TM9SF3: variants seen among roughly 807,000 people sequenced by gnomAD.
TM9SF3 encodes transmembrane 9 superfamily member 3, also known as SM-11044-binding protein.
Under a neutral mutation model 78.6 loss-of-function variants are expected in TM9SF3, and 14 were observed. The ratio of observed to expected loss-of-function variants is 0.18; its 90% CI spans 0.12 to 0.28. The LOEUF is 0.28. Ranked by LOEUF, TM9SF3 falls within the 10% of genes least tolerant of loss-of-function variation. TM9SF3 has a pLI of 1.00. For synonymous variants in TM9SF3, 231 were observed against 241.7 expected (o/e 0.96, Z 0.41); for missense variants, 496 against 721.9 (o/e 0.69, Z 3.59).
In TM9SF3 at chr10:96,586,801, G is replaced by C. The variant is rs1212200668; in HGVS notation, c.35C>G (p.Ala12Gly). 2 of 1,276,208 alleles carry C rather than the reference G, an allele frequency of 1.6e-6. No individual in the cohort carries two copies. Among genetic ancestry groups the C allele is most frequent in the African/African-American group, 1.5e-5 (1 of 64,528 alleles). The allele number at this position is 1,276,208 out of a possible 1,614,324, so 79.1% of individuals were successfully genotyped here. A position where few individuals can be genotyped will look rare whatever the true frequency, so the allele number is the denominator to read the frequency against. The change falls in exon 1 of 15, where the codon GCG (alanine) becomes GGG (glycine). Residue 12 changes from alanine to glycine, a missense_variant. Ala to Gly is a moderately conservative substitution (Grantham distance 60, BLOSUM62 0). Around this residue, in one of 4 missense-constraint regions of TM9SF3, gnomAD observed 58 missense variants for 32.9 expected, o/e 1.76. Coordinates refer to ENST00000371142, the MANE Select transcript of TM9SF3 (RefSeq NM_020123.4). ...CAGCAGCAGCCACAGCGCGGCGGCCGCCGCCACGCCAAGAGCGCCAGGCAG... is the reference window on the plus strand; with the variant it reads ...CAGCAGCAGCCACAGCGCGGCGGCCCCCGCCACGCCAAGAGCGCCAGGCAG... ...RPLPGALGVA[A>G]AAALWLLLLL...
chr10:96,580,039 C>G (rs1047397983), intron 1 of TM9SF3, among the ~76,000 whole-genome samples: 1 of 152,142 alleles, frequency 6.6e-6, no homozygotes, highest in Non-Finnish European at 1.5e-5. Context: ...GGTGGAGTCA[C>G]AGAAGCACAG....
intron 9 of TM9SF3, among the ~76,000 whole-genome samples, chr10:96,540,763 ACCTTT>A (rs1203227305): frequency 1.9e-5 from 2 of 104,824 alleles, no homozygotes; most frequent in African/African-American, 7.5e-5. Context: ...GTTTTATATT[ACCTTT>A]CTTTTTTTTT....
intron 6 of TM9SF3, among the ~76,000 whole-genome samples, chr10:96,552,715 T>A (rs1033228230): frequency 3.3e-5 from 5 of 152,114 alleles, no homozygotes; most frequent in African/African-American, 1.2e-4. Context: ...CGGGTGAATG[T>A]TCTTATGTTT....
At chr10:96,560,700 G>A (rs1848296743) in intron 4 of TM9SF3, 3 of 579,566 alleles carry the variant, frequency 5.2e-6, no homozygotes, top group South Asian at 2.8e-5. Flanking sequence ...TTTTGATGAG[G>A]AAACTAAAGA....
chr10:96,571,244 G>T (rs895774874), intron 2 of TM9SF3, among the ~76,000 whole-genome samples: 1 of 152,014 alleles, frequency 6.6e-6, no homozygotes, highest in Non-Finnish European at 1.5e-5. Context: ...AAACACAAAG[G>T]GAACTGTATT....
chr10:96,566,800 C>G (rs1011753831), intron 2 of TM9SF3, among the ~76,000 whole-genome samples: 1 of 152,150 alleles, frequency 6.6e-6, no homozygotes, highest in African/African-American at 2.4e-5. Context: ...GAAAAACTGA[C>G]AGCAAGAGAT....
At chr10:96,570,779 C>T (rs2134156543) in intron 2 of TM9SF3, among the ~76,000 whole-genome samples, 1 of 152,280 alleles carries the variant, frequency 6.6e-6, no homozygotes, top group African/African-American at 2.4e-5. Context: ...GAGTTTTGCT[C>T]TTGTCACGCA....
chr10:96,582,398 T>C (rs1282272531), intron 1 of TM9SF3, among the ~76,000 whole-genome samples: 1 of 152,204 alleles, frequency 6.6e-6, no homozygotes, highest in Non-Finnish European at 1.5e-5. Context: ...TATTGAGTCT[T>C]TCTAGTTCTA....
At chr10:96,565,255 C>T in intron 3 of TM9SF3, 49 bp downstream of exon 3, 1 of 1,445,224 alleles carries the variant, frequency 6.9e-7, no homozygotes, top group Non-Finnish European at 9.1e-7. Context: ...TTTATAAATT[C>T]TGATTATGCA....
chr10:96,560,267 A>C, intron 4 of TM9SF3: 1 of 783,564 alleles, frequency 1.3e-6, no homozygotes, highest in Non-Finnish European at 2.3e-6. Flanking sequence ...GCCAACAAAG[A>C]TGATCACTTT....
In TM9SF3 at chr10:96,576,702, T is replaced by C. The variant is rs1848500659; in HGVS notation, c.230A>G (p.His77Arg). 1 of 1,610,628 alleles carries C rather than the reference T, an allele frequency of 6.2e-7. No individual in the cohort carries two copies. The change falls in exon 2 of 15, where the codon CAT becomes CGT. Residue 77 changes from histidine to arginine, a missense_variant. By Grantham distance (29) the His-to-Arg change is conservative. Coordinates refer to ENST00000371142, the MANE Select transcript of TM9SF3 (RefSeq NM_020123.4). ...VGSKKSISHY[H>R]ETLGEALQGV... is the part of the protein sequence containing the mutation. ...TTGAAGTGCTTCTCCCAGAGTTTCA[T>C]GGTAATGACTGATACTTTTTTTTGA... is the stretch of plus-strand genomic sequence containing the variant.
At chr10:96,528,648 G>A (rs78858249) in intron 11 of TM9SF3, among the ~76,000 whole-genome samples, 411 of 152,250 alleles carry the variant, frequency 2.7e-3, no homozygotes, top group African/African-American at 9.6e-3. Context: ...ACTGTCTTCA[G>A]AGGACAGCAA....
intron 14 of TM9SF3, among the ~76,000 whole-genome samples, chr10:96,525,653 A>G (rs1847830052): frequency 1.3e-5 from 2 of 152,110 alleles, no homozygotes; most frequent in African/African-American, 4.8e-5. Flanking sequence ...TAAATAGCCA[A>G]TGGCAAGTAA....
rs1302202626 is a variant in TM9SF3 at position 96,565,402 on chromosome 10, CAGT to C, written c.320_322del (p.Tyr107del). ...CTTTTCTTTATCTAAATCAATTTCA[CAGT>C]AAGTGGCTGGCATCACATCATCTGC... On this transcript the variant is annotated inframe_deletion, in exon 3 of 15. Transcript: ENST00000371142. The C allele has an allele frequency of 6.4e-7, 1 of 1,552,888 alleles. No individual in the cohort carries two copies. Among genetic ancestry groups the C allele is most frequent in the Non-Finnish European group, 8.6e-7 (1 of 1,159,556 alleles).
At chr10:96,585,721 A>T (rs1172327258) in intron 1 of TM9SF3, among the ~76,000 whole-genome samples, 3 of 152,102 alleles carry the variant, frequency 2.0e-5, no homozygotes, top group Admixed American at 6.5e-5. Context: ...ATGACATAAG[A>T]CTCCCTCAGA....
chr10:96,575,261 A>G (rs1479953424), intron 2 of TM9SF3, among the ~76,000 whole-genome samples: 1 of 152,208 alleles, frequency 6.6e-6, no homozygotes, highest in Non-Finnish European at 1.5e-5. Context: ...AGACGATTAC[A>G]TATAGTACCA....
Position 96,586,693 on chromosome 10 carries a change from G to A in TM9SF3, c.102+41C>T, listed in dbSNP as rs576356124. 1.4e-4 allele frequency: 170 copies of A among 1,215,630 alleles called. No homozygotes were observed. In the East Asian group the frequency reaches 4.6e-3, roughly 33 times the overall value. The allele number at this position is 1,215,630 out of a possible 1,614,324, so 75.3% of individuals were successfully genotyped here. A position where few individuals can be genotyped will look rare whatever the true frequency, so the allele number is the denominator to read the frequency against. On this transcript the variant is annotated intron_variant, in intron 1 of 14. Transcript: ENST00000371142. ...GGGGCCTGCCTCAGTGGGCAACTGG[G>A]GAGCTAGCCCGGGGCGGCCGCGCCG...
intron 2 of TM9SF3, among the ~76,000 whole-genome samples, chr10:96,574,201 T>C (rs186629620): frequency 6.6e-6 from 1 of 152,224 alleles, no homozygotes; most frequent in East Asian, 1.9e-4. Flanking sequence ...ATCCAGAATC[T>C]ACAAAGAACT....
intron 9 of TM9SF3, among the ~76,000 whole-genome samples, chr10:96,542,875 T>C (rs1335651985): frequency 6.6e-6 from 1 of 152,156 alleles, no homozygotes; most frequent in Non-Finnish European, 1.5e-5. Context: ...ATATTCAATG[T>C]GTCTTTGAAA....
Sources: allele counts gnomAD v4.1 joint callset (sites outside exome capture counted in the v4.1 genomes callset), GRCh38; gene constraint gnomAD v4.1.1; regional missense constraint gnomAD v4.1.1; transcripts MANE v1.5; gene names NCBI Gene and HGNC (gene_info 2026-07-23, HGNC 2026-07-21).